The following NRXN3 variants were observed in gnomAD, a reference collection of about 807,000 sequenced individuals.
NRXN3 encodes the protein neurexin III.
A neutral mutation model predicts 137.6 loss-of-function variants in NRXN3; 32 were observed. The ratio of observed to expected loss-of-function variants is 0.23; its 90% CI spans 0.18 to 0.31. The LOEUF is 0.31. Among genes scored for constraint, NRXN3 ranks in the 10% least tolerant of loss-of-function variants. The pLI, the probability that NRXN3 is intolerant of heterozygous loss-of-function variation, is 1.00. For synonymous variants in NRXN3, 798 were observed against 784.5 expected (o/e 1.02, Z -0.29); for missense variants, 1,574 against 2,062.5 (o/e 0.76, Z 4.59).
At chr14:78,377,580 TAAAC>T (rs1201159617) in intron 4 of NRXN3, among the ~76,000 whole-genome samples, 1 of 152,238 alleles carries the variant, frequency 6.6e-6, no homozygotes, top group Non-Finnish European at 1.5e-5. Context: ...CAGAGTGGCT[TAAAC>T]AATGTAAATT....
At chr14:79,631,065 C>T (rs1026770832) in intron 16 of NRXN3, among the ~76,000 whole-genome samples, 3 of 152,160 alleles carry the variant, frequency 2.0e-5, no homozygotes, top group Non-Finnish European at 2.9e-5. Context: ...TCTCCTTTAT[C>T]GTGTAAAAGT....
At chr14:78,419,501 G>A (rs2093328734) in intron 4 of NRXN3, among the ~76,000 whole-genome samples, 1 of 152,084 alleles carries the variant, frequency 6.6e-6, no homozygotes, top group Non-Finnish European at 1.5e-5. Flanking sequence ...CACCATGCCT[G>A]GCCATAGTCC....
At chr14:79,778,406 ACT>A (rs1165991242) in intron 19 of NRXN3, among the ~76,000 whole-genome samples, 1 of 152,188 alleles carries the variant, frequency 6.6e-6, no homozygotes, top group East Asian at 1.9e-4. Flanking sequence ...ATAGAGTGAG[ACT>A]CTGTCTCAAA....
intron 1 of NRXN3, among the ~76,000 whole-genome samples, chr14:78,211,824 A>G (rs1302784054): frequency 2.0e-5 from 3 of 152,208 alleles, no homozygotes; most frequent in Non-Finnish European, 2.9e-5. Context: ...AAGGGGGGCT[A>G]TGCTGTTGTA....
chr14:79,280,607 A>G, intron 15 of NRXN3: 13 of 1,426,448 alleles, frequency 9.1e-6, no homozygotes, highest in Non-Finnish European at 1.3e-5. Context: ...CCTTGCAGGT[A>G]GTGTCAAAGG....
At chr14:78,657,113 G>A (rs1241541789) in intron 6 of NRXN3, among the ~76,000 whole-genome samples, 1 of 147,222 alleles carries the variant, frequency 6.8e-6, no homozygotes, top group Non-Finnish European at 1.5e-5. Flanking sequence ...TTAGATTGGC[G>A]CCTGCCTCTC....
chr14:78,926,129 T>C (rs1319894299), intron 10 of NRXN3, among the ~76,000 whole-genome samples: 1 of 152,112 alleles, frequency 6.6e-6, no homozygotes, highest in East Asian at 1.9e-4. Flanking sequence ...ATAGGTACAG[T>C]AGTTCCCACC....
chr14:79,059,081 T>C (rs2099670332), intron 15 of NRXN3, among the ~76,000 whole-genome samples: 1 of 152,122 alleles, frequency 6.6e-6, no homozygotes, highest in South Asian at 2.1e-4. Context: ...TCTCTCAGGA[T>C]TGGCCTCAAG....
chr14:78,979,976 G>A (rs964796501), intron 14 of NRXN3, among the ~76,000 whole-genome samples: 5 of 152,204 alleles, frequency 3.3e-5, no homozygotes, highest in African/African-American at 1.2e-4. Flanking sequence ...AGATTTGGGT[G>A]GGGACACAGC....
intron 4 of NRXN3, among the ~76,000 whole-genome samples, chr14:78,402,745 C>T (rs1417104461): frequency 6.6e-6 from 1 of 152,188 alleles, no homozygotes; most frequent in African/African-American, 2.4e-5. Flanking sequence ...CTAACATCAC[C>T]TGTGCTCATT....
At position 78,837,981 on chromosome 14, in the gene NRXN3, A is replaced by G. The variant is rs1014832106; in HGVS notation, c.2275+27637A>G. Among the ~76,000 whole-genome samples, 3 of 152,338 alleles carry G rather than the reference A, an allele frequency of 2.0e-5. No individual in the cohort carries two copies. The East Asian group carries it at 5.8e-4, about 29-fold the overall frequency. On this transcript the variant is annotated intron_variant, in intron 10 of 20. Coordinates refer to ENST00000335750, the MANE Select transcript of NRXN3 (RefSeq NM_001330195.2). Reference sequence around the variant, plus strand: ...CAGAGTTTTCACTGAGCCATATTAGATAACAAATTATTTTACCTATAAATG... The same window carrying G: ...CAGAGTTTTCACTGAGCCATATTAGGTAACAAATTATTTTACCTATAAATG...
At chr14:78,285,964 G>C (rs2075120630) in intron 3 of NRXN3, among the ~76,000 whole-genome samples, 1 of 152,188 alleles carries the variant, frequency 6.6e-6, no homozygotes, top group African/African-American at 2.4e-5. Context: ...TTCTCGATGA[G>C]TAAGTGTGAG....
intron 16 of NRXN3, among the ~76,000 whole-genome samples, chr14:79,517,907 T>C (rs1243049004): frequency 7.2e-6 from 1 of 138,164 alleles, no homozygotes; most frequent in Admixed American, 7.2e-5. Context: ...TTTTTTTTTT[T>C]TTTTTTTTTT....
intron 4 of NRXN3, among the ~76,000 whole-genome samples, chr14:78,514,411 C>T: frequency 6.6e-6 from 1 of 152,038 alleles, no homozygotes. Flanking sequence ...CATAAATATG[C>T]AAGGAGTCTT....
In NRXN3 at chr14:79,133,936, AGAAAAAAAAAAAAAAG is replaced by A. The variant is rs991152193; in HGVS notation, c.3262+145800_3262+145815del. Among the ~76,000 whole-genome samples the A allele has an allele frequency of 1.1e-4, 11 of 101,668 alleles. 1 individual carries two copies. The highest frequency in any genetic ancestry group is 3.5e-4 in the South Asian group (1 of 2,850). 66.7% of individuals were successfully genotyped at this position (101,668 alleles called of 152,430 possible). A position where few individuals can be genotyped will look rare whatever the true frequency, so the allele number is the denominator to read the frequency against. On this transcript the variant is annotated intron_variant, in intron 15 of 20. Transcript: ENST00000335750. ...AGAGCAAGATTCCATCTCAAAAAAAAGAAAAAAAAAAAAAAGGAAAGAAAAAAGAAACTGAACAAAT... is the reference window on the plus strand; with the variant it reads ...AGAGCAAGATTCCATCTCAAAAAAAAGAAAGAAAAAAGAAACTGAACAAAT...
rs574689859 is a variant in NRXN3, at chr14:78,434,972, C to T, written c.757+137112C>T. ...CAACTGACAGAGAGGGGCTTGCAGG[C>T]GGCTAAAGCCATTCAACAATTTCTG... is the stretch of plus-strand genomic sequence containing the variant. On this transcript the variant is annotated intron_variant, in intron 4 of 20. Transcript: ENST00000335750. Among the ~76,000 whole-genome samples, 13 of 152,282 alleles carry T rather than the reference C, an allele frequency of 8.5e-5. 1 individual carries two copies. The highest frequency in any genetic ancestry group is 4.1e-4 in the South Asian group (2 of 4,830).
chr14:78,955,664 G>T (rs1173314718), intron 10 of NRXN3, among the ~76,000 whole-genome samples: 1 of 152,070 alleles, frequency 6.6e-6, no homozygotes, highest in African/African-American at 2.4e-5. Flanking sequence ...TAAGTCATTT[G>T]CTGTGTACAT....
chr14:79,261,720 T>C (rs1205545086), intron 15 of NRXN3, among the ~76,000 whole-genome samples: 7 of 151,440 alleles, frequency 4.6e-5, no homozygotes. Flanking sequence ...CCTTCCAGAA[T>C]AAACTTCCTT....
chr14:79,203,964 TCCCAC>T (rs2066424257), intron 15 of NRXN3, among the ~76,000 whole-genome samples: 1 of 152,048 alleles, frequency 6.6e-6, no homozygotes, highest in Admixed American at 6.6e-5. Context: ...GTATAAACAC[TCCCAC>T]CAAAGCTTTT....
Sources: gnomAD v4.1 joint callset for allele counts (sites outside exome capture counted in the v4.1 genomes callset) on GRCh38, gnomAD v4.1.1 for gene constraint, MANE v1.5 for transcripts, NCBI Gene and HGNC (gene_info 2026-07-23, HGNC 2026-07-21) for gene names.